Variants in DIS3L2 observed in about 807,000 individuals in gnomAD.
The protein encoded by DIS3L2 is DIS3-like exonuclease 2.
In DIS3L2, 34 loss-of-function variants were observed where a neutral mutation model predicts 97.5. The ratio of observed to expected loss-of-function variants is 0.35; its 90% confidence interval spans 0.27 to 0.46. The LOEUF is 0.46. Among genes scored for constraint, DIS3L2 ranks in the 20% least tolerant of loss-of-function variants. DIS3L2 has a pLI of 1.00. For missense variants in DIS3L2, 1,038 were observed against 1,146.0 expected (o/e 0.91, Z 1.36); for synonymous variants, 435 against 445.2 (o/e 0.98, Z 0.29).
chr2:232,077,993 C>CTTTCTT (rs1553605290), intron 5 of DIS3L2, among the ~76,000 whole-genome samples: 47 of 133,370 alleles, frequency 3.5e-4, no homozygotes, highest in Non-Finnish European at 5.7e-4. Flanking sequence ...TTCTTTCTTT[C>CTTTCTT]TTTCTTTCTT....
At chr2:232,228,596 G>T (rs1692708498) in intron 10 of DIS3L2, among the ~76,000 whole-genome samples, 1 of 152,116 alleles carries the variant, frequency 6.6e-6, no homozygotes, top group Non-Finnish European at 1.5e-5. Context: ...AAGTGCTTTA[G>T]TCACCATAAT....
intron 19 of DIS3L2, chr2:232,335,068 T>C (rs2260023): frequency 0.082 from 19,558 of 239,050 alleles, 1,152 homozygotes; most frequent in African/African-American, 0.21. Flanking sequence ...CGTGGCCGCT[T>C]TGGAAACTGT....
At chr2:232,077,919 A>C (rs989858971) in intron 5 of DIS3L2, among the ~76,000 whole-genome samples, 1 of 150,260 alleles carries the variant, frequency 6.7e-6, no homozygotes, top group African/African-American at 2.4e-5. Context: ...ACTTTGTTAT[A>C]GAGTATTTTC....
intron 10 of DIS3L2, among the ~76,000 whole-genome samples, chr2:232,213,663 T>TTTTTG (rs1692254608): frequency 1.4e-5 from 1 of 70,718 alleles, no homozygotes; most frequent in South Asian, 3.3e-4. Context: ...CATCTGTAGT[T>TTTTTG]TTTTTTTTTT....
At chr2:232,056,337 A>G (rs1270492671) in intron 5 of DIS3L2, among the ~76,000 whole-genome samples, 1 of 151,568 alleles carries the variant, frequency 6.6e-6, no homozygotes, top group African/African-American at 2.4e-5. Flanking sequence ...TGCACTCCAG[A>G]CTGGGTGACA....
In DIS3L2 at chr2:232,267,202, T is replaced by C. The variant is rs141659795; in HGVS notation, c.1659+3762T>C. On this transcript the variant is annotated intron_variant, in intron 13 of 20. Transcript: ENST00000325385. Reference sequence around the variant, plus strand: ...AAGGCCACCTACTAGCAGTCTTGTTTACCCTAGTGTGCTGTCATATATTAG... The same window carrying C: ...AAGGCCACCTACTAGCAGTCTTGTTCACCCTAGTGTGCTGTCATATATTAG... Among the ~76,000 whole-genome samples, 762 of 152,350 alleles carry C rather than the reference T, an allele frequency of 5.0e-3. 19 individuals carry two copies. The highest frequency in any genetic ancestry group is 0.047 in the Admixed American group (721 of 15,304).
intron 13 of DIS3L2, among the ~76,000 whole-genome samples, chr2:232,289,119 A>G (rs1311163582): frequency 6.6e-6 from 1 of 152,146 alleles, no homozygotes; most frequent in East Asian, 1.9e-4. Context: ...CCCATCGAAC[A>G]TTGAGAATTA....
intron 1 of DIS3L2, among the ~76,000 whole-genome samples, chr2:232,011,719 G>A (rs1186134451): frequency 6.6e-6 from 1 of 150,452 alleles, no homozygotes; most frequent in East Asian, 2.0e-4. Context: ...GCACAGTCTC[G>A]GCTCACTGCT....
chr2:232,243,700 A>G (rs1376829760), intron 11 of DIS3L2, among the ~76,000 whole-genome samples: 2 of 152,204 alleles, frequency 1.3e-5, no homozygotes, highest in Non-Finnish European at 1.5e-5. Flanking sequence ...GTTTCTTCCC[A>G]ATTCTGGCAA....
chr2:232,270,876 C>G (rs982244018), intron 13 of DIS3L2, among the ~76,000 whole-genome samples: 2 of 125,408 alleles, frequency 1.6e-5, no homozygotes, highest in Admixed American at 7.5e-5. Context: ...CTCTCTCTCT[C>G]TCTCTCTCTC....
intron 1 of DIS3L2, among the ~76,000 whole-genome samples, chr2:231,989,154 A>G (rs1240904301): frequency 6.6e-6 from 1 of 152,170 alleles, no homozygotes; most frequent in Non-Finnish European, 1.5e-5. Context: ...ATTTTTAAAT[A>G]ACTGCTTCTG....
At chr2:232,127,061 T>C (rs1055185268) in intron 6 of DIS3L2, among the ~76,000 whole-genome samples, 1 of 152,214 alleles carries the variant, frequency 6.6e-6, no homozygotes, top group African/African-American at 2.4e-5. Flanking sequence ...TGTATAGCAG[T>C]GTGGTGCACT....
chr2:232,183,362 A>G (rs1691344458), intron 9 of DIS3L2, among the ~76,000 whole-genome samples: 1 of 152,176 alleles, frequency 6.6e-6, no homozygotes, highest in African/African-American at 2.4e-5. Context: ...ATAAACAGAG[A>G]TTTCCTTAAA....
intron 5 of DIS3L2, among the ~76,000 whole-genome samples, chr2:232,060,936 T>A (rs1002392892): frequency 2.0e-5 from 3 of 152,244 alleles, no homozygotes; most frequent in African/African-American, 7.2e-5. Context: ...TGTAATTACT[T>A]TCTTGATTTA....
At chr2:232,253,997 G>A (rs1469728121) in intron 12 of DIS3L2, among the ~76,000 whole-genome samples, 1 of 152,130 alleles carries the variant, frequency 6.6e-6, no homozygotes, top group Non-Finnish European at 1.5e-5. Context: ...TCAAGACAGA[G>A]TGTTTTAAAA....
intron 5 of DIS3L2, among the ~76,000 whole-genome samples, chr2:232,047,945 C>A (rs1315073200): frequency 6.6e-6 from 1 of 152,180 alleles, no homozygotes; most frequent in Non-Finnish European, 1.5e-5. Context: ...TGTGGACATG[C>A]CACATTTTGT....
intron 7 of DIS3L2, among the ~76,000 whole-genome samples, chr2:232,132,918 A>G (rs1402731333): frequency 6.6e-6 from 1 of 152,160 alleles, no homozygotes; most frequent in Non-Finnish European, 1.5e-5. Context: ...ACACCAGGAA[A>G]GGGGATCTGG....
intron 3 of DIS3L2, among the ~76,000 whole-genome samples, chr2:232,022,550 C>T (rs540674973): frequency 2.6e-5 from 4 of 151,594 alleles, no homozygotes; most frequent in East Asian, 3.9e-4. Context: ...ATTCTTTGAG[C>T]GACAAGGGAT....
At chr2:232,194,847 C>T (rs564658961) in intron 9 of DIS3L2, among the ~76,000 whole-genome samples, 12 of 152,198 alleles carry the variant, frequency 7.9e-5, no homozygotes, top group African/African-American at 2.4e-4. Context: ...CATGAGGGGT[C>T]ACTTGGGACT....
Sources: gnomAD v4.1 joint callset for allele counts (sites outside exome capture counted in the v4.1 genomes callset) on GRCh38, gnomAD v4.1.1 for gene constraint, MANE v1.5 for transcripts, NCBI Gene and HGNC (gene_info 2026-07-23, HGNC 2026-07-21) for gene names.